RETREG1: variants seen among roughly 807,000 people sequenced by gnomAD.
RETREG1 encodes reticulophagy regulator 1.
In RETREG1, 44 loss-of-function variants were observed where a neutral mutation model predicts 54.8. That is an observed-to-expected ratio of 0.80 (90% CI 0.63 to 1.03). The LOEUF (loss-of-function observed/expected upper bound fraction) is 1.03, where lower values mean the gene tolerates loss of function less well. Ranked by LOEUF, RETREG1 falls within the 50% of genes least tolerant of loss-of-function variation. The pLI is 0.00. For synonymous variants in RETREG1, 217 were observed against 238.5 expected (o/e 0.91, Z 0.83); for missense variants, 554 against 605.1 (o/e 0.92, Z 0.89).
At chr5:16,592,449 G>T (rs1273963590) in intron 1 of RETREG1, among the ~76,000 whole-genome samples, 1 of 152,216 alleles carries the variant, frequency 6.6e-6, no homozygotes, top group Non-Finnish European at 1.5e-5. Flanking sequence ...CATGCTGTTG[G>T]TGGGAGTGTA....
chr5:16,549,925 T>C (rs1741486369), intron 3 of RETREG1, among the ~76,000 whole-genome samples: 1 of 152,146 alleles, frequency 6.6e-6, no homozygotes, highest in Non-Finnish European at 1.5e-5. Flanking sequence ...AGGTCTGTAG[T>C]CCAGGAGAAG....
At chr5:16,569,374 C>T (rs1323761023) in intron 2 of RETREG1, among the ~76,000 whole-genome samples, 2 of 151,018 alleles carry the variant, frequency 1.3e-5, no homozygotes, top group Non-Finnish European at 2.9e-5. Flanking sequence ...AAAGCCTGTC[C>T]TTGGACAACG....
chr5:16,609,211 G>A (rs1172907127), intron 1 of RETREG1, among the ~76,000 whole-genome samples: 1 of 152,154 alleles, frequency 6.6e-6, no homozygotes, highest in Non-Finnish European at 1.5e-5. Context: ...CATCTTTGGT[G>A]TTCAGTTAAC....
intron 3 of RETREG1, among the ~76,000 whole-genome samples, chr5:16,551,336 A>T (rs1179207337): frequency 6.6e-6 from 1 of 152,186 alleles, no homozygotes; most frequent in Non-Finnish European, 1.5e-5. Context: ...AAGGCCTCCA[A>T]AAACATTTTT....
intron 3 of RETREG1, among the ~76,000 whole-genome samples, chr5:16,507,785 G>C (rs1293934233): frequency 6.6e-6 from 1 of 152,150 alleles, no homozygotes; most frequent in Non-Finnish European, 1.5e-5. Flanking sequence ...AGAGTTACCA[G>C]TTTCCACTTT....
chr5:16,609,606 C>T (rs1743284616), intron 1 of RETREG1, among the ~76,000 whole-genome samples: 1 of 152,120 alleles, frequency 6.6e-6, no homozygotes, highest in Admixed American at 6.5e-5. Flanking sequence ...TGCTGCATTC[C>T]AGGCAGAATA....
chr5:16,581,729 T>C (rs1243826792), intron 1 of RETREG1, among the ~76,000 whole-genome samples: 2 of 127,798 alleles, frequency 1.6e-5, no homozygotes, highest in Non-Finnish European at 3.5e-5. Flanking sequence ...GATGGCCTTT[T>C]TATAACCAAT....
intron 3 of RETREG1, among the ~76,000 whole-genome samples, chr5:16,499,294 G>T (rs903355703): frequency 2.0e-5 from 3 of 152,108 alleles, no homozygotes; most frequent in Admixed American, 6.5e-5. Flanking sequence ...CAATCATGGA[G>T]TGTCTATCCC....
chr5:16,563,977 ATTATT>A (rs1741940113), intron 3 of RETREG1, among the ~76,000 whole-genome samples: 1 of 152,172 alleles, frequency 6.6e-6, no homozygotes, highest in African/African-American at 2.4e-5. Context: ...AATTACACAA[ATTATT>A]TTATTATATG....
At chr5:16,554,253 C>T (rs11957022) in intron 3 of RETREG1, among the ~76,000 whole-genome samples, 6 of 152,204 alleles carry the variant, frequency 3.9e-5, no homozygotes, top group South Asian at 2.1e-4. Flanking sequence ...CTGACATTTC[C>T]GAGGCTGGAA....
intron 3 of RETREG1, among the ~76,000 whole-genome samples, chr5:16,532,057 C>A (rs1740933117): frequency 6.6e-6 from 1 of 152,200 alleles, no homozygotes; most frequent in Admixed American, 6.5e-5. Context: ...CCTTAACTGA[C>A]AGACACAGGA....
intron 1 of RETREG1, among the ~76,000 whole-genome samples, chr5:16,606,491 G>A (rs922395975): frequency 7.2e-5 from 11 of 152,166 alleles, no homozygotes; most frequent in Non-Finnish European, 1.5e-4. Flanking sequence ...AGTGACACGT[G>A]GATAATTCAC....
In RETREG1 at chr5:16,571,423, C is replaced by G. The variant is rs1009416489; in HGVS notation, c.427+573G>C. Among the ~76,000 whole-genome samples the G allele has an allele frequency of 5.3e-5, 8 of 152,050 alleles. 1 individual carries two copies. The highest frequency in any genetic ancestry group is 1.2e-4 in the Non-Finnish European group (8 of 68,024). The stretch of plus-strand genomic sequence containing the variant: ...ACAAAAACTAGCTCGAACAGTGGTA[C>G]AAGAGGCCCCTCCAAGTATGCAAAA... On this transcript the variant is annotated intron_variant, in intron 2 of 8. Coordinates refer to ENST00000306320, the MANE Select transcript of RETREG1 (RefSeq NM_001034850.3).
intron 3 of RETREG1, among the ~76,000 whole-genome samples, chr5:16,544,294 G>A (rs562141112): frequency 6.6e-6 from 1 of 152,226 alleles, no homozygotes; most frequent in East Asian, 1.9e-4. Context: ...AGTTTTAATA[G>A]TTCTTTATAC....
intron 1 of RETREG1, among the ~76,000 whole-genome samples, chr5:16,608,819 C>A (rs1743264808): frequency 6.6e-6 from 1 of 152,276 alleles, no homozygotes; most frequent in Middle Eastern, 3.4e-3. Context: ...CCCATTCATG[C>A]AGAAGCAACC....
chr5:16,519,137 A>C (rs1338741219), intron 3 of RETREG1, among the ~76,000 whole-genome samples: 1 of 152,172 alleles, frequency 6.6e-6, no homozygotes, highest in Non-Finnish European at 1.5e-5. Context: ...CAATCTGACG[A>C]ATGATGACTA....
chr5:16,603,437 T>C (rs1743099400), intron 1 of RETREG1, among the ~76,000 whole-genome samples: 1 of 152,104 alleles, frequency 6.6e-6, no homozygotes, highest in Non-Finnish European at 1.5e-5. Context: ...AAGCAAGACC[T>C]AGATGGAGTC....
rs566518229 is a variant in RETREG1 at position 16,534,711 on chromosome 5, C to T, written c.458+31052G>A. ...GCCACTTTCCAAGGGAGACTCATCA[C>T]CTTTATTTTATTAATCTGCTAAGAA... On this transcript the variant is annotated intron_variant, in intron 3 of 8. Transcript: ENST00000306320. 1.5e-4 allele frequency among the ~76,000 whole-genome samples: 23 copies of T among 152,308 alleles called. No individual in the cohort carries two copies. The East Asian group carries it at 3.9e-3, about 26-fold the overall frequency.
chr5:16,553,519 A>G (rs1007903133), intron 3 of RETREG1, among the ~76,000 whole-genome samples: 1 of 151,982 alleles, frequency 6.6e-6, no homozygotes, highest in African/African-American at 2.4e-5. Context: ...AAACATTTAT[A>G]CCTTGTTTAA....
Sources: gnomAD v4.1 joint callset for allele counts (sites outside exome capture counted in the v4.1 genomes callset) on GRCh38, gnomAD v4.1.1 for gene constraint, MANE v1.5 for transcripts, NCBI Gene and HGNC (gene_info 2026-07-23, HGNC 2026-07-21) for gene names.